The following CSMD1 variants were observed in gnomAD, a reference collection of about 807,000 sequenced individuals.
CSMD1 encodes CUB and sushi domain-containing protein 1.
CSMD1 carries 213 observed loss-of-function variants against 417.5 expected under a neutral mutation model. That is an observed-to-expected ratio of 0.51 (90% CI 0.46 to 0.57). The LOEUF is 0.57. Among genes scored for constraint, CSMD1 ranks in the 20% least tolerant of loss-of-function variants. The pLI, the probability that CSMD1 is intolerant of heterozygous loss-of-function variation, is 0.00. For missense variants in CSMD1, 6,923 were observed against 4,529.7 expected, an observed-to-expected ratio of 1.53 and a Z score of -15.17; for synonymous variants, 2,862 against 1,736.8, an observed-to-expected ratio of 1.65 and a Z score of -16.11.
intron 5 of CSMD1, among the ~76,000 whole-genome samples, chr8:3,914,310 G>T (rs1008023025): frequency 2.0e-5 from 3 of 151,878 alleles, no homozygotes; most frequent in African/African-American, 7.2e-5. Context: ...TGGTTTTTAA[G>T]AACGAGGAAG....
At chr8:3,511,520 C>T (rs949570557) in intron 10 of CSMD1, among the ~76,000 whole-genome samples, 7 of 151,492 alleles carry the variant, frequency 4.6e-5, no homozygotes, top group Non-Finnish European at 7.4e-5. Context: ...TTTGGGAGGC[C>T]GAGGCAGGTA....
At chr8:4,923,654 G>A (rs192470230) in intron 1 of CSMD1, among the ~76,000 whole-genome samples, 5 of 152,086 alleles carry the variant, frequency 3.3e-5, no homozygotes, top group South Asian at 2.1e-4. Flanking sequence ...GCACTCACAT[G>A]TTCTCTCCTG....
At chr8:3,418,047 G>C (rs1479539783) in intron 12 of CSMD1, among the ~76,000 whole-genome samples, 2 of 152,264 alleles carry the variant, frequency 1.3e-5, no homozygotes, top group Middle Eastern at 3.4e-3. Flanking sequence ...ATGTGTGATC[G>C]TGCTTAATTA....
At chr8:4,393,496 G>T (rs1803997510) in intron 3 of CSMD1, among the ~76,000 whole-genome samples, 1 of 152,170 alleles carries the variant, frequency 6.6e-6, no homozygotes. Context: ...CCACTATGTA[G>T]ATTTAAACAT....
chr8:4,441,168 G>A (rs551979001), intron 2 of CSMD1, among the ~76,000 whole-genome samples: 4 of 121,176 alleles, frequency 3.3e-5, no homozygotes, highest in South Asian at 2.9e-4. Context: ...GTACAACCTT[G>A]GTTCACTGCA....
At chr8:4,547,883 C>A (rs1325883244) in intron 2 of CSMD1, among the ~76,000 whole-genome samples, 1 of 152,198 alleles carries the variant, frequency 6.6e-6, no homozygotes, top group Non-Finnish European at 1.5e-5. Context: ...CAGAAGAAAT[C>A]TGAGCAATAA....
intron 22 of CSMD1, among the ~76,000 whole-genome samples, chr8:3,346,340 C>G (rs990093567): frequency 2.0e-5 from 3 of 152,168 alleles, no homozygotes; most frequent in Non-Finnish European, 4.4e-5. Context: ...TTCACCTGCA[C>G]TAAAGTATAG....
intron 17 of CSMD1, among the ~76,000 whole-genome samples, chr8:3,394,700 G>A (rs1585099876): frequency 6.6e-6 from 1 of 152,224 alleles, no homozygotes; most frequent in East Asian, 1.9e-4. Context: ...TCAGATCACT[G>A]CAATGTTTAC....
chr8:3,284,096 A>G (rs764183467), intron 26 of CSMD1, 48 bp downstream of exon 26: 2 of 1,386,970 alleles, frequency 1.4e-6, no homozygotes, highest in African/African-American at 1.4e-5. Flanking sequence ...TGTGTTCATG[A>G]CAAGACTTTG....
At chr8:3,643,579 T>G (rs943654276) in intron 7 of CSMD1, among the ~76,000 whole-genome samples, 1 of 151,626 alleles carries the variant, frequency 6.6e-6, no homozygotes, top group Non-Finnish European at 1.5e-5. Context: ...CGGGCGCCTG[T>G]AGTCCCAACT....
chr8:3,510,602 G>A (rs1170070880), intron 10 of CSMD1, among the ~76,000 whole-genome samples: 1 of 151,818 alleles, frequency 6.6e-6, no homozygotes, highest in African/African-American at 2.4e-5. Context: ...CTCAAAAAAT[G>A]CTGGTGACTC....
intron 12 of CSMD1, among the ~76,000 whole-genome samples, chr8:3,436,358 ATTG>A (rs1239350301): frequency 6.6e-6 from 1 of 152,182 alleles, no homozygotes; most frequent in African/African-American, 2.4e-5. Context: ...TATTACTATT[ATTG>A]TTATTATTTT....
chr8:4,673,014 A>T (rs538911287), intron 1 of CSMD1, among the ~76,000 whole-genome samples: 202 of 151,972 alleles, frequency 1.3e-3, no homozygotes, highest in Middle Eastern at 3.4e-3. Flanking sequence ...ACATGGTGAC[A>T]TGGCACACAC....
intron 1 of CSMD1, among the ~76,000 whole-genome samples, chr8:4,796,334 A>C (rs1797981188): frequency 1.3e-5 from 2 of 152,054 alleles, no homozygotes; most frequent in Admixed American, 6.6e-5. Flanking sequence ...CAACGTGATG[A>C]TCTTCACATA....
At chr8:4,279,086 A>AT (rs926488387) in intron 3 of CSMD1, among the ~76,000 whole-genome samples, 13 of 151,722 alleles carry the variant, frequency 8.6e-5, no homozygotes, top group East Asian at 1.9e-4. Flanking sequence ...CATTTTCCTA[A>AT]TTTTTTTTTA....
chr8:4,639,755 G>A (rs920397967), intron 1 of CSMD1, among the ~76,000 whole-genome samples: 1 of 152,148 alleles, frequency 6.6e-6, no homozygotes, highest in Non-Finnish European at 1.5e-5. Flanking sequence ...GTAGACCTCA[G>A]TGAGCTCAAA....
intron 5 of CSMD1, among the ~76,000 whole-genome samples, chr8:3,911,198 C>G (rs1005380356): frequency 2.0e-5 from 3 of 152,148 alleles, no homozygotes; most frequent in African/African-American, 7.2e-5. Context: ...TCTCTGGGGA[C>G]TAGATGTCAG....
chr8:3,467,405 A>G (rs1816845825), intron 12 of CSMD1, among the ~76,000 whole-genome samples: 1 of 152,252 alleles, frequency 6.6e-6, no homozygotes, highest in African/African-American at 2.4e-5. Context: ...TATCTCCACC[A>G]TACTTTCCTG....
chr8:4,547,181 A>T (rs1797676846), intron 2 of CSMD1, among the ~76,000 whole-genome samples: 1 of 152,090 alleles, frequency 6.6e-6, no homozygotes, highest in African/African-American at 2.4e-5. Context: ...CAACCCGTCC[A>T]CTTATTAAAC....
Sources: gnomAD v4.1 joint callset for allele counts (sites outside exome capture counted in the v4.1 genomes callset) on GRCh38, gnomAD v4.1.1 for gene constraint, MANE v1.5 for transcripts, NCBI Gene and HGNC (gene_info 2026-07-23, HGNC 2026-07-21) for gene names.